The following CLK1 variants were observed in gnomAD, a reference collection of about 807,000 sequenced individuals.
CLK1 encodes CDC like kinase 1.
CLK1 carries 40 observed loss-of-function variants against 60.9 expected under a neutral mutation model. That is an observed-to-expected ratio of 0.66 (90% CI 0.51 to 0.86). The LOEUF (loss-of-function observed/expected upper bound fraction) is 0.86. Among genes scored for constraint, CLK1 ranks in the 40% least tolerant of loss-of-function variants. CLK1 has a pLI of 0.00. For missense variants in CLK1, 563 were observed against 606.1 expected (o/e 0.93, Z 0.75); for synonymous variants, 203 against 184.4 (o/e 1.10, Z -0.82).
chr2:200,861,959 G>A (rs2039146566), intron 1 of CLK1, 97 bp from the exon 2 acceptor site: 1 of 944,952 alleles, frequency 1.1e-6, no homozygotes, highest in African/African-American at 1.7e-5. Flanking sequence ...CTCGTTTTAA[G>A]ACCAAAATTC....
chr2:200,860,326 A>T, intron 3 of CLK1, 111 bp from the exon 4 acceptor site: 1 of 1,555,406 alleles, frequency 6.4e-7, no homozygotes, highest in Non-Finnish European at 8.7e-7. Context: ...AGGCATTCAG[A>T]TACACGCCAG....
rs777082195 is a variant in CLK1 at position 200,857,993 on chromosome 2, T to G, written c.645A>C (p.Thr215=). ...CTTACAAAGTACTGTTGGGGTCTGT[T>G]GTATTCAGATGTTCCAGAACTTGTA... ...SEIQVLEHLN[T]TDPNSTFRCV... The change falls in exon 6 of 13, where the codon ACA becomes ACC. Residue 215 remains threonine, a synonymous_variant. Coordinates refer to ENST00000321356, the MANE Select transcript of CLK1 (RefSeq NM_004071.4). 19 of 1,613,952 alleles carry G rather than the reference T, an allele frequency of 1.2e-5. No individual in the cohort carries two copies. The highest frequency in any genetic ancestry group is 3.3e-4 in the Middle Eastern group (2 of 6,062).
Position 200,855,043 on chromosome 2 carries a change from G to C in CLK1, c.1101C>G (p.Cys367Trp). 6.2e-7 allele frequency: 1 copy of C among 1,612,942 alleles called. No homozygotes were observed. The highest frequency in any genetic ancestry group is 8.5e-7 in the Non-Finnish European group (1 of 1,179,660). The change falls in exon 10 of 13, where the codon TGC (cysteine) becomes TGG (tryptophan). Residue 367 changes from cysteine to tryptophan, a missense_variant. Coordinates refer to ENST00000321356, the MANE Select transcript of CLK1 (RefSeq NM_004071.4). ...SQPCDVWSIG[C>W]ILIEYYLGFT... ...ACCCAAGATAGTATTCAATAAGAATGCATCCTATGCTCCAGACATCACATG... is the reference window on the plus strand; with the variant it reads ...ACCCAAGATAGTATTCAATAAGAATCCATCCTATGCTCCAGACATCACATG...
rs199832158 is a variant in CLK1, at chr2:200,861,734, G to A, written c.129C>T (p.Arg43=). 6 of 1,614,084 alleles carry A rather than the reference G, an allele frequency of 3.7e-6. No homozygotes were observed. Among genetic ancestry groups the A allele is most frequent in the Middle Eastern group, 1.6e-4 (1 of 6,062 alleles). Reference sequence around the variant, plus strand: ...ACATTTTAGAGTGATTGTATTTGCAGCGCTTGTTCTCCTGGGCACTGCTAT... The same window carrying A: ...ACATTTTAGAGTGATTGTATTTGCAACGCTTGTTCTCCTGGGCACTGCTAT... ...RSHSSAQENK[R]CKYNHSKMCD... is the part of the protein sequence containing the mutation. The change falls in exon 2 of 13, where the codon CGC becomes CGT. Residue 43 remains arginine (R), a synonymous_variant. Transcript: ENST00000321356.
chr2:200,862,044 C>T (rs2039147766), intron 1 of CLK1, among the ~76,000 whole-genome samples, 182 bp from the exon 2 acceptor site: 2 of 151,464 alleles, frequency 1.3e-5, no homozygotes, highest in African/African-American at 4.9e-5. Context: ...GCAGTTTGAA[C>T]TTCATTCACA....
chr2:200,861,829 A>C lies in CLK1; in HGVS notation c.34T>G (p.Trp12Gly), dbSNP rs1305859660. 4.3e-6 allele frequency: 7 copies of C among 1,613,924 alleles called. No homozygotes were observed. Among genetic ancestry groups the C allele is most frequent in the African/African-American group, 1.3e-5 (1 of 74,900 alleles). The change falls in exon 2 of 13, where the codon TGG becomes GGG. Residue 12 changes from tryptophan (W) to glycine (G), a missense_variant. Around this residue, in one of 3 missense-constraint regions of CLK1, gnomAD observed 198 missense variants for 179.2 expected, o/e 1.10. Transcript: ENST00000321356. The part of the protein sequence containing the change: ...RHSKRTYCPD[W>G]DDKDWDYGKW... Reference sequence around the variant, plus strand: ...CCATAATCCCAATCCTTGTCATCCCAATCAGGACAGTAAGTTCTCTTTGAG... The same window carrying C: ...CCATAATCCCAATCCTTGTCATCCCCATCAGGACAGTAAGTTCTCTTTGAG...
intron 7 of CLK1, 189 bp from the exon 8 acceptor site, chr2:200,857,174 C>G: frequency 1.7e-6 from 1 of 571,594 alleles, no homozygotes; most frequent in African/African-American, 1.9e-5. Context: ...GGTGTGGTGG[C>G]GTGTGCCTGT....
At chr2:200,857,126 T>C (rs2039056643) in intron 7 of CLK1, 141 bp from the exon 8 acceptor site, 2 of 659,016 alleles carry the variant, frequency 3.0e-6, no homozygotes, top group Non-Finnish European at 5.2e-6. Context: ...ACCAATATGG[T>C]GAAACCCTGT....
chr2:200,861,522 T>A (rs909424611), intron 2 of CLK1, 56 bp from the exon 3 acceptor site: 9 of 1,594,840 alleles, frequency 5.6e-6, no homozygotes, highest in Non-Finnish European at 7.7e-6. Context: ...TATCCTCACA[T>A]TCTCTTCAAG....
At chr2:200,855,887 T>C (rs950672695) in intron 9 of CLK1, among the ~76,000 whole-genome samples, 7 of 150,630 alleles carry the variant, frequency 4.6e-5, no homozygotes, top group Non-Finnish European at 7.4e-5. Context: ...TGGGTGCCTA[T>C]AATCCCAGCT....
chr2:200,858,370 CAA>C (rs990940405), intron 5 of CLK1, among the ~76,000 whole-genome samples: 3 of 152,108 alleles, frequency 2.0e-5, no homozygotes, highest in African/African-American at 7.2e-5. Context: ...TCCAGGTTGC[CAA>C]AAGAGTTAGG....
In CLK1 at chr2:200,853,919, C is replaced by T; in HGVS notation, c.1295G>A (p.Arg432His). 6.2e-7 allele frequency: 1 copy of T among 1,610,484 alleles called. No homozygotes were observed. The highest frequency in any genetic ancestry group is 8.5e-7 in the Non-Finnish European group (1 of 1,178,058). ...AAGGCTTACCTTCAGAGGTTTACAG[C>T]GTCTTGAAACATATCTGCCGGCAGA... ...HSSAGRYVSR[R>H]CKPLKEFMLS... The change falls in exon 12 of 13, where the codon CGC becomes CAC. Residue 432 changes from arginine (R) to histidine (H), a missense_variant. By Grantham distance (29) the Arg-to-His change is conservative. Transcript: ENST00000321356.
Position 200,859,051 on chromosome 2 carries a change from G to A in CLK1, c.548+629C>T, listed in dbSNP as rs868857596. Among the ~76,000 whole-genome samples the A allele has an allele frequency of 7.9e-5, 12 of 152,020 alleles. No homozygotes were observed. The Middle Eastern group carries it at 0.02, about 259-fold the overall frequency. ...ACAAACAATAGCTGGGCATGGTGGC[G>A]CGTGTCTGTAGTTCCAGCTACTCAG... On this transcript the variant is annotated intron_variant, in intron 5 of 12. Transcript: ENST00000321356.
At chr2:200,853,850 A>C in intron 12 of CLK1, 53 bp downstream of exon 12, 1 of 1,400,856 alleles carries the variant, frequency 7.1e-7, no homozygotes, top group Admixed American at 1.9e-5. Flanking sequence ...GTCTCAAAAG[A>C]CAAACAGAAG....
At chr2:200,857,620 T>C (rs932332808) in intron 7 of CLK1, 98 bp downstream of exon 7, 7 of 1,038,854 alleles carry the variant, frequency 6.7e-6, no homozygotes, top group Admixed American at 6.0e-5. Context: ...TCCCCCTTTA[T>C]TTTTAATCAA....
At chr2:200,859,065 C>T (rs1253870984) in intron 5 of CLK1, among the ~76,000 whole-genome samples, 1 of 151,962 alleles carries the variant, frequency 6.6e-6, no homozygotes, top group Admixed American at 6.6e-5. Flanking sequence ...GTCTGTAGTT[C>T]CAGCTACTCA....
At chr2:200,864,051 A>T in intron 1 of CLK1, 1 of 1,503,504 alleles carries the variant, frequency 6.7e-7, no homozygotes, top group Non-Finnish European at 8.9e-7. Flanking sequence ...CACTTTCATC[A>T]TTAGACATTA....
Position 200,859,751 on chromosome 2 carries a change from A to G in CLK1, c.482-5T>C, listed in dbSNP as rs2039104504. The G allele has an allele frequency of 3.1e-6, 5 of 1,612,916 alleles. No homozygotes were observed. In the East Asian group the frequency reaches 6.7e-5, roughly 22 times the overall value. Reference sequence around the variant, plus strand: ...CTAAAGTATCAACAATTTCATCTAAAAGAGAGAAATAAATCTCAGTCATAT... The same window carrying G: ...CTAAAGTATCAACAATTTCATCTAAGAGAGAGAAATAAATCTCAGTCATAT... On this transcript the variant is annotated splice_region_variant and splice_polypyrimidine_tract_variant and intron_variant, in intron 4 of 12. Coordinates refer to ENST00000321356, the MANE Select transcript of CLK1 (RefSeq NM_004071.4).
At chr2:200,861,940 C>T (rs2039146059) in intron 1 of CLK1, 78 bp from the exon 2 acceptor site, 2 of 1,229,684 alleles carry the variant, frequency 1.6e-6, no homozygotes, top group South Asian at 1.4e-5. Context: ...ACAAAGGTCC[C>T]CTCGTGACCT....
Sources: gnomAD v4.1 joint callset for allele counts (sites outside exome capture counted in the v4.1 genomes callset) on GRCh38, gnomAD v4.1.1 for gene constraint, gnomAD v4.1.1 regional missense constraint, MANE v1.5 for transcripts, NCBI Gene and HGNC (gene_info 2026-07-23, HGNC 2026-07-21) for gene names.